The following CCDC149 variants were observed in gnomAD, a reference collection of about 807,000 sequenced individuals.
The protein encoded by CCDC149 is coiled-coil domain-containing protein 149.
CCDC149 carries 45 observed loss-of-function variants against 59.9 expected under a neutral mutation model. The ratio of observed to expected loss-of-function variants is 0.75; its 90% CI spans 0.59 to 0.96. The LOEUF (loss-of-function observed/expected upper bound fraction) is 0.96, where lower values mean the gene tolerates loss of function less well. Ranked by LOEUF, CCDC149 falls within the 40% of genes least tolerant of loss-of-function variation. The probability of loss-of-function intolerance (pLI) is 0.00; values close to 1 mark genes in which losing one functional copy is unlikely to be tolerated. For synonymous variants in CCDC149, 245 were observed against 260.6 expected, an observed-to-expected ratio of 0.94 and a Z score of 0.58; for missense variants, 584 against 664.7, an observed-to-expected ratio of 0.88 and a Z score of 1.33.
intron 1 of CCDC149, among the ~76,000 whole-genome samples, chr4:24,896,678 G>C (rs1720866219): frequency 6.6e-6 from 1 of 152,088 alleles, no homozygotes; most frequent in South Asian, 2.1e-4. Flanking sequence ...GTAAAGAAGG[G>C]AGGGAGGAAG....
intron 1 of CCDC149, among the ~76,000 whole-genome samples, chr4:24,937,015 T>G (rs989507696): frequency 6.6e-6 from 1 of 152,216 alleles, no homozygotes; most frequent in African/African-American, 2.4e-5. Context: ...TGAAGAATGG[T>G]AAATCTCTTC....
chr4:24,887,491 T>A (rs937067917), intron 1 of CCDC149, among the ~76,000 whole-genome samples: 27 of 152,250 alleles, frequency 1.8e-4, no homozygotes, highest in African/African-American at 5.3e-4. Context: ...TGCAGACTCA[T>A]TCTTTCTGTA....
At chr4:24,900,675 T>C (rs1270797559) in intron 1 of CCDC149, among the ~76,000 whole-genome samples, 2 of 152,220 alleles carry the variant, frequency 1.3e-5, no homozygotes, top group African/African-American at 2.4e-5. Context: ...TTAGGTAGCA[T>C]GTGAGTGTGA....
intron 1 of CCDC149, among the ~76,000 whole-genome samples, chr4:24,930,537 G>A (rs932391915): frequency 2.0e-5 from 3 of 152,088 alleles, no homozygotes; most frequent in African/African-American, 7.2e-5. Context: ...TTAGGCAAAT[G>A]ATTTTTTTCT....
At chr4:24,908,302 T>G (rs909156652) in intron 1 of CCDC149, among the ~76,000 whole-genome samples, 17 of 152,176 alleles carry the variant, frequency 1.1e-4, no homozygotes, top group Admixed American at 1.0e-3. Flanking sequence ...CCCAGGTCTC[T>G]TATTATCTTC....
intron 3 of CCDC149, among the ~76,000 whole-genome samples, chr4:24,859,880 G>A (rs184688458): frequency 1.0e-3 from 154 of 152,078 alleles, no homozygotes; most frequent in Non-Finnish European, 1.4e-3. Flanking sequence ...GAAATATGCC[G>A]AACCAAGGAG....
chr4:24,843,997 C>T (rs1278039269), intron 4 of CCDC149, among the ~76,000 whole-genome samples: 1 of 152,156 alleles, frequency 6.6e-6, no homozygotes, highest in Non-Finnish European at 1.5e-5. Context: ...GAAGAGCCCA[C>T]TCACAGGTCT....
chr4:24,858,987 A>T (rs865807522), intron 3 of CCDC149, among the ~76,000 whole-genome samples: 2 of 152,196 alleles, frequency 1.3e-5, no homozygotes, highest in Admixed American at 6.5e-5. Flanking sequence ...AATGCCGCAA[A>T]ATATGTCAGA....
At chr4:24,902,648 C>A (rs188966099) in intron 1 of CCDC149, among the ~76,000 whole-genome samples, 4 of 152,280 alleles carry the variant, frequency 2.6e-5, no homozygotes, top group Admixed American at 2.6e-4. Flanking sequence ...TCAAGCCTCA[C>A]CAACTGCCTA....
At chr4:24,884,459 C>T (rs1720038591) in intron 1 of CCDC149, among the ~76,000 whole-genome samples, 1 of 152,142 alleles carries the variant, frequency 6.6e-6, no homozygotes, top group South Asian at 2.1e-4. Flanking sequence ...CAGGACATAT[C>T]CCTGTCATTA....
At chr4:24,817,254 G>A (rs1442936094) in intron 12 of CCDC149, among the ~76,000 whole-genome samples, 1 of 152,132 alleles carries the variant, frequency 6.6e-6, no homozygotes, top group Non-Finnish European at 1.5e-5. Context: ...ATCCTGGCAT[G>A]GCAAAACCAC....
At chr4:24,815,004 C>T (rs540203371) in intron 12 of CCDC149, among the ~76,000 whole-genome samples, 4 of 152,260 alleles carry the variant, frequency 2.6e-5, no homozygotes, top group African/African-American at 9.6e-5. Flanking sequence ...TAAATCTGGC[C>T]AGAAGTAATA....
exon 1 of CCDC149, chr4:24,980,116 C>G (rs1277276634): frequency 1.3e-5 from 2 of 152,236 alleles, no homozygotes; most frequent in Non-Finnish European, 2.9e-5. Flanking sequence ...AGAAGGACAT[C>G]TGGACTCCAG....
intron 1 of CCDC149, among the ~76,000 whole-genome samples, chr4:24,974,313 C>T (rs1167140243): frequency 6.6e-6 from 1 of 152,210 alleles, no homozygotes; most frequent in South Asian, 2.1e-4. Flanking sequence ...GAGTCAGAAC[C>T]CTAGAGGGGT....
At chr4:24,875,158 G>T (rs1436121488) in intron 2 of CCDC149, among the ~76,000 whole-genome samples, 1 of 151,924 alleles carries the variant, frequency 6.6e-6, no homozygotes, top group Non-Finnish European at 1.5e-5. Flanking sequence ...GTGAAACCCC[G>T]TCTCTACTAA....
chr4:24,979,280 C>G (rs1724359577), intron 1 of CCDC149, among the ~76,000 whole-genome samples: 1 of 152,158 alleles, frequency 6.6e-6, no homozygotes, highest in African/African-American at 2.4e-5. Context: ...TGGGTGTACA[C>G]CACCAGGAAC....
chr4:24,845,645 TC>T (rs890050862), intron 4 of CCDC149, among the ~76,000 whole-genome samples: 16 of 152,146 alleles, frequency 1.1e-4, no homozygotes, highest in African/African-American at 3.9e-4. Flanking sequence ...AGAACGAAAC[TC>T]CCATGGGAGC....
intron 1 of CCDC149, among the ~76,000 whole-genome samples, chr4:24,977,835 T>C (rs1018073260): frequency 6.6e-6 from 1 of 152,192 alleles, no homozygotes; most frequent in Non-Finnish European, 1.5e-5. Context: ...AGGTATGCTA[T>C]AAATCTATGC....
intron 9 of CCDC149, chr4:24,829,624 A>C (rs1716001682): frequency 6.6e-6 from 1 of 152,144 alleles, no homozygotes; most frequent in Non-Finnish European, 1.5e-5. Flanking sequence ...GCAAAGAAAG[A>C]ATACCGTGGG....
Sources: allele counts gnomAD v4.1 joint callset (sites outside exome capture counted in the v4.1 genomes callset), GRCh38; gene constraint gnomAD v4.1.1; transcripts MANE v1.5; gene names NCBI Gene and HGNC (gene_info 2026-07-23, HGNC 2026-07-21).